NAT10: variants seen among roughly 807,000 people sequenced by gnomAD.
NAT10 encodes the protein N-acetyltransferase 10.
Under a neutral mutation model 132.2 loss-of-function variants are expected in NAT10, and 109 were observed. The observed-to-expected ratio is 0.82, with a 90% CI of 0.71 to 0.97. The LOEUF (loss-of-function observed/expected upper bound fraction) is 0.97, where lower values mean the gene tolerates loss of function less well. Among genes scored for constraint, NAT10 ranks in the 50% least tolerant of loss-of-function variants. The pLI, the probability that NAT10 is intolerant of heterozygous loss-of-function variation, is 0.00. For synonymous variants in NAT10, 479 were observed against 478.0 expected, an observed-to-expected ratio of 1.00 and a Z score of -0.03; for missense variants, 1,184 against 1,263.4, an observed-to-expected ratio of 0.94 and a Z score of 0.95.
chr11:34,117,682 C>T (rs1278815326), intron 6 of NAT10, among the ~76,000 whole-genome samples: 1 of 152,070 alleles, frequency 6.6e-6, no homozygotes, highest in Non-Finnish European at 1.5e-5. Flanking sequence ...ATTTTTTTCC[C>T]TGCTTGCAAG....
In NAT10 at chr11:34,105,670, C is replaced by G. The variant is rs1184014389; in HGVS notation, c.-138C>G. On this transcript the variant is annotated 5_prime_UTR_variant, in exon 1 of 29. Coordinates refer to ENST00000257829, the MANE Select transcript of NAT10 (RefSeq NM_024662.3). ...GCGTGCCGCGGAGCCAGGCTTACTA[C>G]GTGACCCGGACACCAGGCATACGCT... 6.6e-6 allele frequency: 1 copy of G among 152,334 alleles called. No individual in the cohort carries two copies. Among genetic ancestry groups the G allele is most frequent in the Non-Finnish European group, 1.5e-5 (1 of 68,108 alleles). 9.4% of individuals were successfully genotyped at this position (152,334 alleles called of 1,614,324 possible).
rs1056118696 is a variant in NAT10, at chr11:34,146,530, C to T, written c.*338C>T. On this transcript the variant is annotated 3_prime_UTR_variant, in exon 29 of 29. Transcript: ENST00000257829. Reference sequence around the variant, plus strand: ...CTCATTCCCACACATGTGGAAGCCACGTTGCCTCTCGACCGCCTGAGGCCC... The same window carrying T: ...CTCATTCCCACACATGTGGAAGCCATGTTGCCTCTCGACCGCCTGAGGCCC... The T allele has an allele frequency of 9.5e-5, 17 of 178,270 alleles. No homozygotes were observed. Among genetic ancestry groups the T allele is most frequent in the African/African-American group, 1.9e-4 (8 of 42,056 alleles). 11.0% of individuals were successfully genotyped at this position (178,270 alleles called of 1,614,324 possible).
At chr11:34,141,041 G>C (rs1565119826) in intron 24 of NAT10, 48 bp from the exon 25 acceptor site, 2 of 1,612,642 alleles carry the variant, frequency 1.2e-6, no homozygotes, top group Non-Finnish European at 1.7e-6. Context: ...ATTTTAATGG[G>C]CAAGGGCGTG....
intron 26 of NAT10, 107 bp from the exon 27 acceptor site, chr11:34,142,168 G>C: frequency 9.6e-7 from 1 of 1,044,750 alleles, no homozygotes; most frequent in Middle Eastern, 2.1e-4. Context: ...TGGAAGAGAA[G>C]GAAATGTTTT....
chr11:34,146,458 C>T lies in NAT10; in HGVS notation c.*266C>T, dbSNP rs191231832. 5.0e-5 allele frequency: 15 copies of T among 300,962 alleles called. No homozygotes were observed. Among genetic ancestry groups the T allele is most frequent in the Non-Finnish European group, 7.4e-5 (12 of 162,120 alleles). The allele number at this position is 300,962 out of a possible 1,614,324, so 18.6% of individuals were successfully genotyped here. On this transcript the variant is annotated 3_prime_UTR_variant, in exon 29 of 29. Transcript: ENST00000257829. ...TCTCTCTTCCTGCCCAGTCCAGGGC[C>T]CTCCTTTCCTATAAGTTCATATTTT...
intron 28 of NAT10, among the ~76,000 whole-genome samples, chr11:34,144,894 G>A (rs1331419684): frequency 6.6e-6 from 1 of 152,224 alleles, no homozygotes; most frequent in Non-Finnish European, 1.5e-5. Flanking sequence ...AGGAAACCTT[G>A]TGTCTCTAGG....
chr11:34,122,592 G>C lies in NAT10; in HGVS notation c.914G>C (p.Gly305Ala). The C allele has an allele frequency of 1.2e-6, 2 of 1,613,934 alleles. No homozygotes were observed. Among genetic ancestry groups the C allele is most frequent in the Non-Finnish European group, 8.5e-7 (1 of 1,179,950 alleles). Residue 305 changes from glycine to alanine, a missense_variant and splice_region_variant, in exon 9 of 29, where the codon GGG becomes GCG. Gly to Ala is a moderately conservative substitution (Grantham distance 60). Transcript: ENST00000257829. ...GCGATTGCTGGGGCGGTGGCATTTG[G>C]GTAAGGGGATTCAGTCCCCCATCTT... is the stretch of plus-strand genomic sequence containing the variant. ...GLAIAGAVAF[G>A]YSNIFVTSPS...
intron 28 of NAT10, among the ~76,000 whole-genome samples, chr11:34,145,687 G>C (rs189338917): frequency 1.3e-4 from 20 of 152,148 alleles, no homozygotes; most frequent in Admixed American, 1.2e-3. Context: ...TGTCTTCAGG[G>C]TCATTGGGAT....
chr11:34,110,559 CTTTTTTTTTTT>C (rs948109196), intron 3 of NAT10, among the ~76,000 whole-genome samples: 13 of 101,718 alleles, frequency 1.3e-4, no homozygotes, highest in African/African-American at 3.6e-4. Flanking sequence ...TTTTCTTTCC[CTTTTTTTTTTT>C]TTTTTTTTTT....
intron 6 of NAT10, among the ~76,000 whole-genome samples, chr11:34,117,313 C>T (rs1851798849): frequency 6.6e-6 from 1 of 152,154 alleles, no homozygotes; most frequent in Non-Finnish European, 1.5e-5. Context: ...AGCCATTTGG[C>T]CCCCTGGGGA....
rs773168675 is a variant in NAT10, at chr11:34,134,558, G to A, written c.1883G>A (p.Arg628His). ...FGGLSGGRVVRIAVHPDYQGM... is the reference protein window; with the variant it reads ...FGGLSGGRVVHIAVHPDYQGM... ...GGTCTGTCTGGTGGAAGGGTCGTTC[G>A]CATTGCTGTTCACCCAGATTATCAA... The change falls in exon 18 of 29, where the codon CGC becomes CAC. Residue 628 changes from arginine (R) to histidine (H), a missense_variant. By Grantham distance (29) the Arg-to-His change is conservative (BLOSUM62 0). Transcript: ENST00000257829. The A allele has an allele frequency of 2.5e-6, 4 of 1,613,978 alleles. No homozygotes were observed. Among genetic ancestry groups the A allele is most frequent in the Admixed American group, 3.3e-5 (2 of 59,994 alleles).
chr11:34,120,641 T>C (rs1198743787), intron 8 of NAT10, among the ~76,000 whole-genome samples: 1 of 152,218 alleles, frequency 6.6e-6, no homozygotes, highest in African/African-American at 2.4e-5. Context: ...TAGGCGCTCC[T>C]GTAGGCACTG....
rs371035269 is a variant in NAT10 at position 34,108,311 on chromosome 11, T to C, written c.86T>C (p.Val29Ala). Residue 29 changes from valine (V) to alanine (A), a missense_variant, in exon 2 of 29, where the codon GTT becomes GCT. Coordinates refer to ENST00000257829, the MANE Select transcript of NAT10 (RefSeq NM_024662.3). ...CGGCAAAGATCTCTCTTTGTTGTAGTTGGGGATCGAGGAAAAGATCAGGTA... is the reference window on the plus strand; with the variant it reads ...CGGCAAAGATCTCTCTTTGTTGTAGCTGGGGATCGAGGAAAAGATCAGGTA... ...AERQRSLFVV[V>A]GDRGKDQVVI... 12 of 1,614,058 alleles carry C rather than the reference T, an allele frequency of 7.4e-6. No homozygotes were observed. The highest frequency in any genetic ancestry group is 3.3e-4 in the Middle Eastern group (2 of 6,062).
Position 34,125,798 on chromosome 11 carries a change from A to G in NAT10, c.1107+1398A>G, listed in dbSNP as rs143920123. Among the ~76,000 whole-genome samples, 654 of 152,222 alleles carry G rather than the reference A, an allele frequency of 4.3e-3. 6 individuals carry two copies. Among genetic ancestry groups the G allele is most frequent in the African/African-American group, 0.015 (615 of 41,522 alleles). On this transcript the variant is annotated intron_variant, in intron 11 of 28. Coordinates refer to ENST00000257829, the MANE Select transcript of NAT10 (RefSeq NM_024662.3). ...GCCAACATGGTGAAATCCCATCTCT[A>G]CTAAAATTTAAAAAAGTTAGCCAGG...
At chr11:34,132,572 T>G (rs982047140) in intron 15 of NAT10, among the ~76,000 whole-genome samples, 1 of 152,210 alleles carries the variant, frequency 6.6e-6, no homozygotes, top group Non-Finnish European at 1.5e-5. Flanking sequence ...ATTTGAGGGT[T>G]TAGAATATCT....
At chr11:34,138,802 G>A in intron 21 of NAT10, 1 of 173,184 alleles carries the variant, frequency 5.8e-6, no homozygotes, top group Non-Finnish European at 1.2e-5. Context: ...TTCCTGCTGT[G>A]AGGCATCAAA....
intron 12 of NAT10, 145 bp from the exon 13 acceptor site, chr11:34,130,668 A>C: frequency 9.4e-7 from 1 of 1,067,922 alleles, no homozygotes; most frequent in Non-Finnish European, 1.3e-6. Flanking sequence ...GGTGCCTGCT[A>C]TGCTGGAAGT....
At position 34,145,939 on chromosome 11, in the gene NAT10, A is replaced by G. The variant is rs1852431547; in HGVS notation, c.2970-145A>G. ...AATGCCTGCCCCCTAATAGGTTTGC[A>G]GAGAACATTAATGTCCAATTGGGTG... On this transcript the variant is annotated intron_variant, in intron 28 of 28. Transcript: ENST00000257829. The G allele has an allele frequency of 2.7e-5, 16 of 597,880 alleles. No homozygotes were observed. The South Asian group carries it at 3.1e-4, about 11-fold the overall frequency. The allele number at this position is 597,880 out of a possible 1,614,324, so 37.0% of individuals were successfully genotyped here. A position where few individuals can be genotyped will look rare whatever the true frequency, so the allele number is the denominator to read the frequency against.
At chr11:34,106,313 A>G (rs1851593981) in intron 1 of NAT10, among the ~76,000 whole-genome samples, 1 of 151,954 alleles carries the variant, frequency 6.6e-6, no homozygotes, top group Admixed American at 6.6e-5. Flanking sequence ...TGAGTGAGCG[A>G]AAAATAATCA....
Sources: gnomAD v4.1 joint callset for allele counts (sites outside exome capture counted in the v4.1 genomes callset) on GRCh38, gnomAD v4.1.1 for gene constraint, MANE v1.5 for transcripts, NCBI Gene and HGNC (gene_info 2026-07-23, HGNC 2026-07-21) for gene names.